Variants in ARHGAP8 observed in about 807,000 individuals in gnomAD.
ARHGAP8 encodes Rho GTPase activating protein 8.
In ARHGAP8, 62 loss-of-function variants were observed where a neutral mutation model predicts 46.1. The observed-to-expected ratio is 1.34, with a 90% confidence interval of 1.10 to 1.66. The LOEUF is 1.66. ARHGAP8 is among the 40% of genes most tolerant of loss of function. The pLI, the probability that ARHGAP8 is intolerant of heterozygous loss-of-function variation, is 0.00. For synonymous variants in ARHGAP8, 375 were observed against 243.1 expected, an observed-to-expected ratio of 1.54 and a Z score of -5.05; for missense variants, 923 against 568.4, an observed-to-expected ratio of 1.62 and a Z score of -6.34.
intron 3 of ARHGAP8, among the ~76,000 whole-genome samples, chr22:44,806,174 G>GA (rs1928907158): frequency 6.6e-6 from 1 of 152,180 alleles, no homozygotes; most frequent in Non-Finnish European, 1.5e-5. Flanking sequence ...GTGGTTCGTG[G>GA]ACTCTTCCAC....
intron 4 of ARHGAP8, among the ~76,000 whole-genome samples, chr22:44,810,699 C>CAGA (rs1279444124): frequency 6.6e-6 from 1 of 152,146 alleles, no homozygotes; most frequent in Non-Finnish European, 1.5e-5. Context: ...AAGTGGCAAT[C>CAGA]ACTGGATTTT....
chr22:44,853,497 G>A (rs1301059196), intron 10 of ARHGAP8, among the ~76,000 whole-genome samples: 5 of 152,166 alleles, frequency 3.3e-5, no homozygotes, highest in South Asian at 2.1e-4. Context: ...ACCCGCAAGC[G>A]TGCGCCGTAG....
At chr22:44,860,875 G>A (rs1385935640) in intron 11 of ARHGAP8, among the ~76,000 whole-genome samples, 1 of 152,210 alleles carries the variant, frequency 6.6e-6, no homozygotes, top group Non-Finnish European at 1.5e-5. Flanking sequence ...AGGGTGAGGA[G>A]AGCCTGAGCA....
chr22:44,794,956 G>C (rs781263209), intron 2 of ARHGAP8, among the ~76,000 whole-genome samples: 7 of 149,224 alleles, frequency 4.7e-5, no homozygotes, highest in Non-Finnish European at 7.4e-5. Context: ...AGGGAGGATC[G>C]TTTGAGCCCA....
At chr22:44,844,797 G>A (rs2069913160) in intron 7 of ARHGAP8, among the ~76,000 whole-genome samples, 1 of 152,194 alleles carries the variant, frequency 6.6e-6, no homozygotes, top group Non-Finnish European at 1.5e-5. Context: ...TCTCAAAATA[G>A]TAAAGTAAGA....
intron 1 of ARHGAP8, among the ~76,000 whole-genome samples, chr22:44,758,180 G>A (rs1924837891): frequency 6.6e-6 from 1 of 152,210 alleles, no homozygotes; most frequent in African/African-American, 2.4e-5. Flanking sequence ...GCCGGGCACG[G>A]TGGCTCACAC....
Position 44,811,688 on chromosome 22 carries a change from C to T in ARHGAP8, c.300-2984C>T, listed in dbSNP as rs553834096. On this transcript the variant is annotated intron_variant, in intron 4 of 11. Transcript: ENST00000356099. ...TCTGCAGGGGTGCTGAGTTCCCCATCGCTAGAGGTATGCGAGTGGTGCTCC... is the reference window on the plus strand; with the variant it reads ...TCTGCAGGGGTGCTGAGTTCCCCATTGCTAGAGGTATGCGAGTGGTGCTCC... Among the ~76,000 whole-genome samples the T allele has an allele frequency of 5.9e-5, 9 of 152,248 alleles. No individual in the cohort carries two copies. In the East Asian group the frequency reaches 1.7e-3, roughly 29 times the overall value.
Position 44,847,524 on chromosome 22 carries a change from C to T in ARHGAP8, c.671-449C>T, listed in dbSNP as rs2069987542. Among the ~76,000 whole-genome samples, 5 of 152,350 alleles carry T rather than the reference C, an allele frequency of 3.3e-5. No homozygotes were observed. In the South Asian group the frequency reaches 8.3e-4, roughly 25 times the overall value. Reference sequence around the variant, plus strand: ...TTAAATCCCCATGTGCAGCTACTGGCTGCTGTGCTGGACAGCTCAGCCCTA... The same window carrying T: ...TTAAATCCCCATGTGCAGCTACTGGTTGCTGTGCTGGACAGCTCAGCCCTA... On this transcript the variant is annotated intron_variant, in intron 8 of 11. Transcript: ENST00000356099.
intron 7 of ARHGAP8, among the ~76,000 whole-genome samples, chr22:44,841,709 T>C (rs1931663884): frequency 6.6e-6 from 1 of 152,218 alleles, no homozygotes; most frequent in Non-Finnish European, 1.5e-5. Flanking sequence ...GGTACCGGGC[T>C]GAAGAAGTAG....
chr22:44,846,100 C>G (rs1219305245), intron 8 of ARHGAP8, among the ~76,000 whole-genome samples: 1 of 152,210 alleles, frequency 6.6e-6, no homozygotes. Context: ...GGGAATCCCC[C>G]TAACATGGCC....
At chr22:44,815,218 GT>G (rs1569159250) in intron 5 of ARHGAP8, among the ~76,000 whole-genome samples, 1 of 152,226 alleles carries the variant, frequency 6.6e-6, no homozygotes, top group Non-Finnish European at 1.5e-5. Flanking sequence ...CATACAGGCA[GT>G]GCTCCATTCT....
At chr22:44,856,087 G>A (rs371722178) in intron 10 of ARHGAP8, among the ~76,000 whole-genome samples, 10 of 151,964 alleles carry the variant, frequency 6.6e-5, no homozygotes, top group Admixed American at 5.2e-4. Context: ...CAGCACCAAA[G>A]AGATGGTGCT....
intron 1 of ARHGAP8, among the ~76,000 whole-genome samples, chr22:44,755,580 G>A (rs776203385): frequency 2.0e-5 from 3 of 152,202 alleles, no homozygotes; most frequent in Non-Finnish European, 2.9e-5. Flanking sequence ...AGAGCGCGCT[G>A]CTCCGGAGTC....
chr22:44,812,123 A>G (rs1929376749), intron 4 of ARHGAP8, among the ~76,000 whole-genome samples: 1 of 151,996 alleles, frequency 6.6e-6, no homozygotes, highest in African/African-American at 2.4e-5. Context: ...CCGTCCTGCC[A>G]GGTCATTCCT....
At chr22:44,861,148 T>C (rs1388414383) in intron 11 of ARHGAP8, among the ~76,000 whole-genome samples, 1 of 152,042 alleles carries the variant, frequency 6.6e-6, no homozygotes, top group Non-Finnish European at 1.5e-5. Flanking sequence ...ATTTTTGTTT[T>C]TTTAGTAGAG....
chr22:44,842,391 G>A (rs549451207), intron 7 of ARHGAP8, among the ~76,000 whole-genome samples: 87 of 152,136 alleles, frequency 5.7e-4, no homozygotes, highest in Non-Finnish European at 1.1e-3. Flanking sequence ...AACAGCACAG[G>A]TCTTGCATAC....
chr22:44,786,402 C>T, intron 1 of ARHGAP8, 55 bp from the exon 2 acceptor site: 11 of 1,535,614 alleles, frequency 7.2e-6, no homozygotes, highest in Non-Finnish European at 7.9e-6. Context: ...GAGGCTCCCT[C>T]ATTCCCCGCC....
At chr22:44,814,259 A>G (rs7292592) in intron 4 of ARHGAP8, among the ~76,000 whole-genome samples, 1 of 152,198 alleles carries the variant, frequency 6.6e-6, no homozygotes, top group Admixed American at 6.5e-5. Context: ...TTTATCTGCC[A>G]TCATAACCAA....
chr22:44,807,355 C>T (rs767847203), intron 3 of ARHGAP8, among the ~76,000 whole-genome samples: 23 of 152,150 alleles, frequency 1.5e-4, no homozygotes, highest in Non-Finnish European at 3.2e-4. Flanking sequence ...TGCAGCAGGG[C>T]AGGATGGAAC....
Sources: allele counts gnomAD v4.1 joint callset (sites outside exome capture counted in the v4.1 genomes callset), GRCh38; gene constraint gnomAD v4.1.1; transcripts MANE v1.5; gene names NCBI Gene and HGNC (gene_info 2026-07-23, HGNC 2026-07-21).